The following CDKN2A variants were observed in gnomAD, a reference collection of about 807,000 sequenced individuals.
CDKN2A encodes the protein cyclin dependent kinase inhibitor 2A, also known as cyclin-dependent kinase inhibitor 2A.
In CDKN2A, 3 loss-of-function variants were observed where a neutral mutation model predicts 11.1. The observed-to-expected ratio is 0.27, with a 90% confidence interval of 0.12 to 0.70. CDKN2A has a LOEUF of 0.70. Ranked by LOEUF, CDKN2A falls within the 30% of genes least tolerant of loss-of-function variation. CDKN2A has a pLI of 0.77. For synonymous variants in CDKN2A, 122 were observed against 108.1 expected, an observed-to-expected ratio of 1.13 and a Z score of -0.80; for missense variants, 265 against 233.6, an observed-to-expected ratio of 1.13 and a Z score of -0.88.
rs1394906069 is a variant in CDKN2A, at chr9:21,994,573, C to T, written c.-176+248G>A. ...TCCAAGATCTCGGAACGGCTCTGAG[C>T]CCTGCGCACGCGGGAAGGGCTGCCG... On this transcript the variant is annotated intron_variant, in intron 1 of 3. Transcript: ENST00000494262. 5.9e-6 allele frequency: 6 copies of T among 1,012,202 alleles called. No individual in the cohort carries two copies. The African/African-American group carries it at 7.1e-5, about 12-fold the overall frequency. 62.7% of individuals were successfully genotyped at this position (1,012,202 alleles called of 1,614,324 possible).
rs1227129722 is a variant in CDKN2A at position 21,991,531 on chromosome 9, C to T, written c.-4+2351G>A. 2 of 367,966 alleles carry T rather than the reference C, an allele frequency of 5.4e-6. No homozygotes were observed. Among genetic ancestry groups the T allele is most frequent in the African/African-American group, 2.2e-5 (1 of 45,284 alleles). 22.8% of individuals were successfully genotyped at this position (367,966 alleles called of 1,614,324 possible). A position where few individuals can be genotyped will look rare whatever the true frequency, so the allele number is the denominator to read the frequency against. Reference sequence around the variant, plus strand: ...GGACTTTTGAAAAAGTGTAAAAGCACTGGGCCCACTGTTGAACCTTGCTAT... The same window carrying T: ...GGACTTTTGAAAAAGTGTAAAAGCATTGGGCCCACTGTTGAACCTTGCTAT... On this transcript the variant is annotated intron_variant, in intron 2 of 3. Coordinates refer to the CDKN2A transcript ENST00000494262. The surrounding 1 kb of genome is among the most constrained non-coding windows in gnomAD (Gnocchi z 5.2).
At position 21,968,071 on chromosome 9, in the gene CDKN2A, A is replaced by G. The variant is rs1267364775; in HGVS notation, c.*158T>C. 7.0e-6 allele frequency: 5 copies of G among 713,606 alleles called. No individual in the cohort carries two copies. Among genetic ancestry groups the G allele is most frequent in the Non-Finnish European group, 1.3e-5 (5 of 386,770 alleles). 44.2% of individuals were successfully genotyped at this position (713,606 alleles called of 1,614,324 possible). ...TTTACGGTAGTGGGGGAAGGCATAT[A>G]TCTACGTTAAAAGGCAGGACATTTT... On this transcript the variant is annotated 3_prime_UTR_variant, in exon 3 of 3. Transcript: ENST00000304494. This position sits in a 1 kb window ranked among gnomAD's most constrained non-coding sequence, Gnocchi z 4.7.
At chr9:21,975,258 T>A, upstream of CDKN2A, 2 of 607,880 alleles carry the variant, frequency 3.3e-6, no homozygotes, top group Non-Finnish European at 4.1e-6. Flanking sequence ...TTTGAGTGCG[T>A]TCACTCTGTT....
intron 1 of CDKN2A, chr9:21,994,585 G>T (rs1247796045): frequency 3.4e-6 from 3 of 888,018 alleles, no homozygotes; most frequent in Non-Finnish European, 4.6e-6. Context: ...CTGCGCACGC[G>T]GGAAGGGCTG....
In CDKN2A at chr9:21,974,370, C is replaced by A. The variant is rs190519792; in HGVS notation, c.150+308G>T. On this transcript the variant is annotated intron_variant, in intron 1 of 2. Coordinates refer to ENST00000304494, the MANE Select transcript of CDKN2A (RefSeq NM_000077.5). This position sits in a 1 kb window ranked among gnomAD's most constrained non-coding sequence, Gnocchi z 5.2. ...TTTAAGACTCCCTTTTTATCCCAAACGTTCGTAAATTTTGTATCTGATAAA... is the reference window on the plus strand; with the variant it reads ...TTTAAGACTCCCTTTTTATCCCAAAAGTTCGTAAATTTTGTATCTGATAAA... 1.3e-6 allele frequency: 2 copies of A among 1,529,714 alleles called. No homozygotes were observed. The highest frequency in any genetic ancestry group is 1.8e-6 in the Non-Finnish European group (2 of 1,133,360). 94.8% of individuals were successfully genotyped at this position (1,529,714 alleles called of 1,614,324 possible). A position where few individuals can be genotyped will look rare whatever the true frequency, so the allele number is the denominator to read the frequency against.
chr9:21,969,195 C>A (rs1258757885), intron 2 of CDKN2A, among the ~76,000 whole-genome samples: 1 of 152,162 alleles, frequency 6.6e-6, no homozygotes, highest in African/African-American at 2.4e-5. Context: ...TCGCTTGAGC[C>A]CAGATAACAT....
chr9:21,977,602 G>C (rs994227466), upstream of CDKN2A, among the ~76,000 whole-genome samples: 1 of 152,128 alleles, frequency 6.6e-6, no homozygotes, highest in African/African-American at 2.4e-5. Flanking sequence ...CTGACCTCAG[G>C]TGATCCACCC....
In CDKN2A at chr9:21,988,942, C is replaced by T. The variant is rs369627201; in HGVS notation, c.-4+4940G>A. ...TGGTCCACCAAGCCCTATCGTTCTG[C>T]TCTTTGGAAATTCTCCCTCACTTTC... On this transcript the variant is annotated intron_variant, in intron 2 of 3. Coordinates refer to the CDKN2A transcript ENST00000494262. The surrounding 1 kb of genome is among the most constrained non-coding windows in gnomAD (Gnocchi z 4.1). 1.3e-3 allele frequency among the ~76,000 whole-genome samples: 195 copies of T among 152,328 alleles called. 10 individuals carry two copies. The South Asian group carries it at 0.04, about 31-fold the overall frequency.
In CDKN2A at chr9:21,974,706, G is replaced by A. The variant is rs373407950; in HGVS notation, c.122C>T (p.Pro41Leu). ...LLEAGALPNA[P>L]NSYGRRPIQV... The stretch of plus-strand genomic sequence containing the variant: ...GATCGGCCTCCGACCGTAACTATTC[G>A]GTGCGTTGGGCAGCGCCCCCGCCTC... The change falls in exon 1 of 3, where the codon CCG becomes CTG. Residue 41 changes from proline to leucine, a missense_variant. Pro to Leu is a moderately conservative substitution (Grantham distance 98). Coordinates refer to ENST00000304494, the MANE Select transcript of CDKN2A (RefSeq NM_000077.5). This position sits in a 1 kb window ranked among gnomAD's most constrained non-coding sequence, Gnocchi z 5.2. 3 of 1,612,998 alleles carry A rather than the reference G, an allele frequency of 1.9e-6. No homozygotes were observed. The highest frequency in any genetic ancestry group is 2.5e-6 in the Non-Finnish European group (3 of 1,179,876).
At position 21,994,234 on chromosome 9, in the gene CDKN2A, T is replaced by TC. The variant is rs779306249; in HGVS notation, c.-175-182dup. 82 of 1,605,134 alleles carry TC rather than the reference T, an allele frequency of 5.1e-5. No homozygotes were observed. The highest frequency in any genetic ancestry group is 6.7e-5 in the Non-Finnish European group (79 of 1,179,200). On this transcript the variant is annotated intron_variant, in intron 1 of 3. Coordinates refer to the CDKN2A transcript ENST00000494262. ...GGCGGGCGCCCCTGGCGCTGCCCAC[T>TC]CCCCCGTGAGCCGCGGGATGTGAAC...
At chr9:21,993,876 AC>A (rs1332252916) in intron 2 of CDKN2A, 1 of 548,400 alleles carries the variant, frequency 1.8e-6, no homozygotes, top group Non-Finnish European at 3.3e-6. Flanking sequence ...GATATTCGGG[AC>A]TCACTGACTT....
rs1277299943 is a variant in CDKN2A at position 21,974,817 on chromosome 9, G to C, written c.11C>G (p.Ala4Gly). 3.1e-6 allele frequency: 5 copies of C among 1,599,724 alleles called. No individual in the cohort carries two copies. The highest frequency in any genetic ancestry group is 4.2e-6 in the Non-Finnish European group (5 of 1,176,750). The change falls in exon 1 of 3, where the codon GCG (alanine) becomes GGG (glycine). Residue 4 changes from alanine (A) to glycine (G), a missense_variant. Coordinates refer to ENST00000304494, the MANE Select transcript of CDKN2A (RefSeq NM_000077.5). This position sits in a 1 kb window ranked among gnomAD's most constrained non-coding sequence, Gnocchi z 5.2. Reference protein sequence around the residue: MEPAAGSSMEPSAD... With the variant: MEPGAGSSMEPSAD... ...CGAAGGCTCCATGCTGCTCCCCGCCGCCGGCTCCATGCTGCTCCCCGCCGC... is the reference window on the plus strand; with the variant it reads ...CGAAGGCTCCATGCTGCTCCCCGCCCCCGGCTCCATGCTGCTCCCCGCCGC...
intron 2 of CDKN2A, among the ~76,000 whole-genome samples, chr9:21,983,337 C>CTTTTTCT (rs1563897472): frequency 6.6e-6 from 1 of 152,006 alleles, no homozygotes; most frequent in Admixed American, 6.6e-5. Context: ...ATACTTCTTC[C>CTTTTTCT]TTTTTCTTTG....
At chr9:21,994,563 C>G in intron 1 of CDKN2A, 1 of 1,080,296 alleles carries the variant, frequency 9.3e-7, no homozygotes, top group Admixed American at 3.7e-5. Flanking sequence ...GATCTCGGAA[C>G]GGCTCTGAGC....
In CDKN2A at chr9:21,968,922, C is replaced by T. The variant is rs557818211; in HGVS notation, c.458-680G>A. ...CAAGATTATTTTATTCCTGAGGGAG[C>T]ATTTGCACTTGAAAGTCTCTTTTTA... On this transcript the variant is annotated intron_variant, in intron 2 of 2. Transcript: ENST00000304494. This position sits in a 1 kb window ranked among gnomAD's most constrained non-coding sequence, Gnocchi z 4.7. Among the ~76,000 whole-genome samples, 6 of 152,280 alleles carry T rather than the reference C, an allele frequency of 3.9e-5. No individual in the cohort carries two copies. The South Asian group carries it at 1.0e-3, about 26-fold the overall frequency.
chr9:21,993,818 T>TGG (rs1820504818), intron 2 of CDKN2A: 1 of 452,586 alleles, frequency 2.2e-6, no homozygotes, highest in Non-Finnish European at 4.1e-6. Context: ...TGTGTGTGTG[T>TGG]GTGTGTGTGT....
Position 21,974,313 on chromosome 9 carries a change from A to C in CDKN2A, c.150+365T>G, listed in dbSNP as rs115521447. On this transcript the variant is annotated intron_variant, in intron 1 of 2. Coordinates refer to ENST00000304494, the MANE Select transcript of CDKN2A (RefSeq NM_000077.5). The surrounding 1 kb of genome is among the most constrained non-coding windows in gnomAD (Gnocchi z 5.2). ...CTCCATCCAGGTATCTGTGAATTGG[A>C]GGCTAAGTAGTCCCAGCACATCTTA... 2,446 of 1,036,496 alleles carry C rather than the reference A, an allele frequency of 2.4e-3. 39 individuals are homozygous for C. The African/African-American group carries it at 0.032, about 14-fold the overall frequency. 64.2% of individuals were successfully genotyped at this position (1,036,496 alleles called of 1,614,324 possible).
intron 2 of CDKN2A, chr9:21,992,423 C>T (rs1446249655): frequency 4.1e-6 from 4 of 984,394 alleles, no homozygotes; most frequent in Non-Finnish European, 4.8e-6. Flanking sequence ...TGTGTTCTAT[C>T]TTGAGAAACT....
Position 21,968,807 on chromosome 9 carries a change from C to G in CDKN2A, c.458-565G>C, listed in dbSNP as rs1363886509. The G allele has an allele frequency of 6.5e-6, 10 of 1,533,810 alleles. No homozygotes were observed. Among genetic ancestry groups the G allele is most frequent in the Non-Finnish European group, 8.7e-6 (10 of 1,144,950 alleles). On this transcript the variant is annotated intron_variant, in intron 2 of 2. Coordinates refer to ENST00000304494, the MANE Select transcript of CDKN2A (RefSeq NM_000077.5). The surrounding 1 kb of genome is among the most constrained non-coding windows in gnomAD (Gnocchi z 4.7). ...ATGGATGCTCATTTATTCATGTGCT[C>G]TGGCTTCTGCCTTCCTCTCTAATCT...
Sources: gnomAD v4.1 joint callset for allele counts (sites outside exome capture counted in the v4.1 genomes callset) on GRCh38, gnomAD v4.1.1 for gene constraint, Gnocchi (gnomAD v3.1) non-coding constraint, MANE v1.5 for transcripts, NCBI Gene and HGNC (gene_info 2026-07-23, HGNC 2026-07-21) for gene names.